TMEM178A: variants seen among roughly 807,000 people sequenced by gnomAD.
TMEM178A encodes the protein transmembrane protein 178A, also known as transmembrane protein 178.
TMEM178A carries 12 observed loss-of-function variants against 29.1 expected under a neutral mutation model. The observed-to-expected ratio is 0.41, with a 90% CI of 0.26 to 0.67. The LOEUF (loss-of-function observed/expected upper bound fraction) is 0.67. TMEM178A is among the 30% of genes least tolerant of loss of function. The pLI is 0.29. For missense variants in TMEM178A, 366 were observed against 419.1 expected (o/e 0.87, Z 1.11); for synonymous variants, 210 against 187.2 (o/e 1.12, Z -0.99).
At position 39,666,472 on chromosome 2, in the gene TMEM178A, C is replaced by A. The variant is rs930001223; in HGVS notation, c.400+98C>A. 3.3e-5 allele frequency: 34 copies of A among 1,021,752 alleles called. No individual in the cohort carries two copies. The African/African-American group carries it at 5.6e-4, about 17-fold the overall frequency. 63.3% of individuals were successfully genotyped at this position (1,021,752 alleles called of 1,614,324 possible). A position where few individuals can be genotyped will look rare whatever the true frequency, so the allele number is the denominator to read the frequency against. On this transcript the variant is annotated intron_variant, in intron 1 of 3. Transcript: ENST00000281961. ...CCGGTCCCCGCAGCCCCCTCCCAGCCGCGGCCCCGCGCCTGGGCATTCTTG... is the reference window on the plus strand; with the variant it reads ...CCGGTCCCCGCAGCCCCCTCCCAGCAGCGGCCCCGCGCCTGGGCATTCTTG...
chr2:39,700,332 G>A (rs929047464), intron 1 of TMEM178A, among the ~76,000 whole-genome samples: 2 of 151,994 alleles, frequency 1.3e-5, no homozygotes, highest in African/African-American at 4.8e-5. Context: ...TCAGTTTTTG[G>A]TATTGCATGT....
intron 1 of TMEM178A, among the ~76,000 whole-genome samples, chr2:39,688,140 C>G (rs1183652482): frequency 1.3e-5 from 2 of 152,216 alleles, no homozygotes; most frequent in African/African-American, 4.8e-5. Flanking sequence ...GTGCTCTATG[C>G]CTTGTTTTCC....
At chr2:39,681,553 G>A (rs1231122826) in intron 1 of TMEM178A, among the ~76,000 whole-genome samples, 1 of 152,142 alleles carries the variant, frequency 6.6e-6, no homozygotes, top group African/African-American at 2.4e-5. Context: ...TCACATATTG[G>A]TCTTCGAATT....
chr2:39,678,703 C>T lies in TMEM178A; in HGVS notation c.400+12329C>T, dbSNP rs139382088. Reference sequence around the variant, plus strand: ...TAGTTAAGATGTAAACAAAAAAACCCCAAATCTCTGATAATTTCCCACTGC... The same window carrying T: ...TAGTTAAGATGTAAACAAAAAAACCTCAAATCTCTGATAATTTCCCACTGC... On this transcript the variant is annotated intron_variant, in intron 1 of 3. Transcript: ENST00000281961. Among the ~76,000 whole-genome samples the T allele has an allele frequency of 2.3e-4, 35 of 152,252 alleles. No individual in the cohort carries two copies. In the East Asian group the frequency reaches 6.6e-3, roughly 29 times the overall value.
At chr2:39,666,397 GT>G in intron 1 of TMEM178A, 23 bp downstream of exon 1, 1 of 1,322,170 alleles carries the variant, frequency 7.6e-7, no homozygotes, top group Non-Finnish European at 9.7e-7. Flanking sequence ...CGCACCCCGC[GT>G]CCCCGGCGCC....
chr2:39,694,244 A>T (rs1250299101), intron 1 of TMEM178A, among the ~76,000 whole-genome samples: 2 of 152,008 alleles, frequency 1.3e-5, no homozygotes, highest in East Asian at 3.8e-4. Flanking sequence ...TTTGAGATAG[A>T]TGAACTGTCA....
chr2:39,718,273 A>C (rs186673305), downstream of TMEM178A, among the ~76,000 whole-genome samples: 8 of 151,888 alleles, frequency 5.3e-5, no homozygotes, highest in Admixed American at 1.3e-4. Context: ...GTATGTATCC[A>C]GTCATAAGGA....
rs139290289 is a variant in TMEM178A at position 39,682,091 on chromosome 2, A to G, written c.400+15717A>G. ...ATGCTTTCTAACAGTTTACCTTTTTATTATATTTTATGACTTACTTGGAGC... is the reference window on the plus strand; with the variant it reads ...ATGCTTTCTAACAGTTTACCTTTTTGTTATATTTTATGACTTACTTGGAGC... On this transcript the variant is annotated intron_variant, in intron 1 of 3. Coordinates refer to ENST00000281961, the MANE Select transcript of TMEM178A (RefSeq NM_152390.3). 1.2e-4 allele frequency among the ~76,000 whole-genome samples: 19 copies of G among 152,278 alleles called. No homozygotes were observed. The East Asian group carries it at 3.7e-3, about 29-fold the overall frequency.
At chr2:39,734,752 G>A in the TMEM178A span, among the ~76,000 whole-genome samples, 1 of 152,174 alleles carries the variant, frequency 6.6e-6, no homozygotes, top group African/African-American at 2.4e-5. Flanking sequence ...CACCAAACCT[G>A]CAGCCTCTGC....
chr2:39,676,782 G>C (rs1169497498), intron 1 of TMEM178A, among the ~76,000 whole-genome samples: 1 of 152,072 alleles, frequency 6.6e-6, no homozygotes, highest in Non-Finnish European at 1.5e-5. Flanking sequence ...TCCTGCCTAT[G>C]GTCATTCCAT....
chr2:39,692,522 G>T (rs1387417462), intron 1 of TMEM178A, among the ~76,000 whole-genome samples: 2 of 152,140 alleles, frequency 1.3e-5, no homozygotes, highest in Non-Finnish European at 2.9e-5. Flanking sequence ...GAGAAAAAAA[G>T]ACAGTGATTG....
intron 1 of TMEM178A, among the ~76,000 whole-genome samples, chr2:39,675,588 C>A (rs571899460): frequency 6.6e-5 from 10 of 151,994 alleles, no homozygotes; most frequent in East Asian, 3.9e-4. Context: ...CTAATAGGCC[C>A]CAGATTGTAA....
At chr2:39,720,306 G>A (rs1375189466), downstream of TMEM178A, among the ~76,000 whole-genome samples, 4 of 152,168 alleles carry the variant, frequency 2.6e-5, no homozygotes, top group Non-Finnish European at 2.9e-5. Flanking sequence ...AAGTGAGCTA[G>A]AGGGAATAAA....
intron 2 of TMEM178A, 61 bp downstream of exon 2, chr2:39,704,255 C>A: frequency 1.5e-6 from 2 of 1,356,628 alleles, no homozygotes; most frequent in Non-Finnish European, 2.1e-6. Flanking sequence ...AAATTCCCAC[C>A]ACCCCTCTCA....
intron 1 of TMEM178A, among the ~76,000 whole-genome samples, chr2:39,667,597 A>G (rs1209906471): frequency 1.3e-5 from 2 of 152,218 alleles, no homozygotes; most frequent in African/African-American, 2.4e-5. Context: ...GGAATGACAT[A>G]GAAAAGAGGG....
intron 1 of TMEM178A, among the ~76,000 whole-genome samples, chr2:39,684,050 G>A (rs1670973518): frequency 1.3e-5 from 2 of 152,216 alleles, no homozygotes; most frequent in African/African-American, 4.8e-5. Flanking sequence ...TGAACCAGCT[G>A]AAGAGTGCAT....
intron 1 of TMEM178A, among the ~76,000 whole-genome samples, chr2:39,673,593 G>T (rs1445166015): frequency 6.6e-6 from 1 of 152,230 alleles, no homozygotes; most frequent in African/African-American, 2.4e-5. Context: ...AGAAATGTAA[G>T]TAGGAAATTC....
intron 1 of TMEM178A, among the ~76,000 whole-genome samples, chr2:39,703,492 T>A (rs1671885076): frequency 1.3e-5 from 2 of 152,202 alleles, no homozygotes; most frequent in African/African-American, 4.8e-5. Flanking sequence ...TTCTTTCTTG[T>A]TCCTACTTCT....
intron 1 of TMEM178A, among the ~76,000 whole-genome samples, chr2:39,701,976 T>C (rs1671801084): frequency 6.6e-6 from 1 of 152,200 alleles, no homozygotes; most frequent in Non-Finnish European, 1.5e-5. Flanking sequence ...ATAGGTTTTC[T>C]TTACTTCTTT....
Sources: gnomAD v4.1 joint callset for allele counts (sites outside exome capture counted in the v4.1 genomes callset) on GRCh38, gnomAD v4.1.1 for gene constraint, MANE v1.5 for transcripts, NCBI Gene and HGNC (gene_info 2026-07-23, HGNC 2026-07-21) for gene names.